Variants in CDH13 observed in about 807,000 individuals in gnomAD.
CDH13 encodes cadherin-13.
A neutral mutation model predicts 63.8 loss-of-function variants in CDH13; 24 were observed. The observed-to-expected ratio is 0.38, with a 90% CI of 0.27 to 0.53. The LOEUF is 0.53. Among genes scored for constraint, CDH13 ranks in the 20% least tolerant of loss-of-function variants. The probability of loss-of-function intolerance (pLI) is 0.85; values close to 1 mark genes in which losing one functional copy is unlikely to be tolerated. For missense variants in CDH13, 1,049 were observed against 903.1 expected (o/e 1.16, Z -2.07); for synonymous variants, 503 against 355.3 (o/e 1.42, Z -4.67).
intron 1 of CDH13, among the ~76,000 whole-genome samples, chr16:82,765,563 C>T (rs1379495006): frequency 1.3e-5 from 2 of 152,160 alleles, no homozygotes; most frequent in South Asian, 2.1e-4. Flanking sequence ...GGGGAATCTA[C>T]ATTGTGCACG....
intron 7 of CDH13, among the ~76,000 whole-genome samples, chr16:83,576,336 G>A (rs181824302): frequency 3.3e-5 from 5 of 152,314 alleles, no homozygotes; most frequent in East Asian, 3.9e-4. Context: ...GCATGCATCA[G>A]TATTTCATCC....
At chr16:83,592,005 G>C (rs1906804738) in intron 7 of CDH13, among the ~76,000 whole-genome samples, 1 of 152,146 alleles carries the variant, frequency 6.6e-6, no homozygotes, top group Non-Finnish European at 1.5e-5. Flanking sequence ...AGGAATCACT[G>C]CTTAATCTCT....
intron 6 of CDH13, among the ~76,000 whole-genome samples, chr16:83,462,180 A>T (rs2073198973): frequency 6.6e-6 from 1 of 152,204 alleles, no homozygotes; most frequent in Non-Finnish European, 1.5e-5. Context: ...TCAAGCAGCC[A>T]TGAGCCCCTG....
intron 10 of CDH13, among the ~76,000 whole-genome samples, chr16:83,699,889 A>C (rs902802264): frequency 6.6e-6 from 1 of 151,892 alleles, no homozygotes; most frequent in African/African-American, 2.4e-5. Flanking sequence ...CTTCTCTCCA[A>C]TTTCTCCCTC....
At chr16:83,288,715 C>A (rs114095998) in intron 5 of CDH13, among the ~76,000 whole-genome samples, 3,573 of 152,322 alleles carry the variant, frequency 0.023, 137 homozygotes, top group African/African-American at 0.078. Context: ...CACACACCCA[C>A]AAAAATTATT....
intron 6 of CDH13, among the ~76,000 whole-genome samples, chr16:83,481,457 C>A (rs17758707): frequency 6.6e-6 from 1 of 152,124 alleles, no homozygotes; most frequent in Non-Finnish European, 1.5e-5. Context: ...AAGGGGTTGG[C>A]CGTGCTTGAA....
intron 10 of CDH13, among the ~76,000 whole-genome samples, chr16:83,733,507 C>T (rs447813): frequency 0.76 from 116,079 of 152,078 alleles, 44,688 homozygotes; most frequent in Middle Eastern, 0.81. Context: ...GCTTGGCAGC[C>T]GGCCAGACCA....
chr16:83,635,904 C>G (rs1198230028), intron 8 of CDH13, among the ~76,000 whole-genome samples: 1 of 152,038 alleles, frequency 6.6e-6, no homozygotes, highest in African/African-American at 2.4e-5. Context: ...AAGATTTTAT[C>G]CTCTGTTTTC....
chr16:83,252,605 G>A (rs988124859), intron 5 of CDH13, among the ~76,000 whole-genome samples: 3 of 152,108 alleles, frequency 2.0e-5, no homozygotes, highest in Non-Finnish European at 2.9e-5. Flanking sequence ...CCAAGTGCTG[G>A]CCGTTGGTGT....
At chr16:83,531,379 C>A (rs1184622494) in intron 7 of CDH13, among the ~76,000 whole-genome samples, 1 of 152,180 alleles carries the variant, frequency 6.6e-6, no homozygotes, top group African/African-American at 2.4e-5. Context: ...CCCAGACACC[C>A]AAGTCCTGAT....
At chr16:83,533,255 T>A (rs2075118814) in intron 7 of CDH13, among the ~76,000 whole-genome samples, 1 of 152,184 alleles carries the variant, frequency 6.6e-6, no homozygotes, top group African/African-American at 2.4e-5. Context: ...TTTTCATTGG[T>A]GTGTATTGCA....
chr16:83,081,721 A>C (rs11648153), intron 3 of CDH13, among the ~76,000 whole-genome samples: 1 of 151,546 alleles, frequency 6.6e-6, no homozygotes, highest in Admixed American at 6.6e-5. Context: ...GAGAGAGAGA[A>C]AGAGCTCGCA....
chr16:82,786,098 A>G (rs1231825177), intron 1 of CDH13, among the ~76,000 whole-genome samples: 5 of 152,214 alleles, frequency 3.3e-5, no homozygotes, highest in Non-Finnish European at 1.5e-5. Flanking sequence ...TAGGGTGAGC[A>G]AGTGATCAGA....
chr16:82,994,815 G>C (rs990632809), intron 2 of CDH13, among the ~76,000 whole-genome samples: 5 of 152,144 alleles, frequency 3.3e-5, no homozygotes, highest in African/African-American at 1.2e-4. Flanking sequence ...AATACTGAAG[G>C]ATTTCAGACC....
At chr16:83,581,338 C>T (rs919937006) in intron 7 of CDH13, among the ~76,000 whole-genome samples, 3 of 152,158 alleles carry the variant, frequency 2.0e-5, no homozygotes, top group Non-Finnish European at 4.4e-5. Context: ...TCATCAAGAA[C>T]CAAGGGTGAC....
chr16:82,852,064 T>A (rs1379146799), intron 1 of CDH13, among the ~76,000 whole-genome samples: 1 of 152,180 alleles, frequency 6.6e-6, no homozygotes, highest in Non-Finnish European at 1.5e-5. Flanking sequence ...AAATACCTTC[T>A]TGGAGCTGGT....
intron 5 of CDH13, among the ~76,000 whole-genome samples, chr16:83,337,644 T>C (rs1420711315): frequency 7.0e-6 from 1 of 142,828 alleles, no homozygotes; most frequent in Non-Finnish European, 1.5e-5. Flanking sequence ...TTTTTTTTTT[T>C]TTTTTTGCTT....
intron 7 of CDH13, among the ~76,000 whole-genome samples, chr16:83,601,199 T>G (rs1055470651): frequency 6.6e-6 from 1 of 152,054 alleles, no homozygotes; most frequent in Non-Finnish European, 1.5e-5. Flanking sequence ...AAAGGATAGG[T>G]CCCCAAAGGA....
chr16:83,442,083 C>G (rs970594864), intron 6 of CDH13, among the ~76,000 whole-genome samples: 1 of 152,074 alleles, frequency 6.6e-6, no homozygotes, highest in Admixed American at 6.6e-5. Context: ...GCAGTCGGAC[C>G]GGAGGAACAC....
Sources: gnomAD v4.1 joint callset for allele counts (sites outside exome capture counted in the v4.1 genomes callset) on GRCh38, gnomAD v4.1.1 for gene constraint, MANE v1.5 for transcripts, NCBI Gene and HGNC (gene_info 2026-07-23, HGNC 2026-07-21) for gene names.